Variants in TENM1 observed in about 807,000 individuals in gnomAD.
TENM1 encodes the protein teneurin transmembrane protein 1.
TENM1 carries 35 observed loss-of-function variants against 174.8 expected under a neutral mutation model. That is an observed-to-expected ratio of 0.20 (90% CI 0.15 to 0.27). TENM1 has a LOEUF of 0.27. Ranked by LOEUF, TENM1 falls within the 10% of genes least tolerant of loss-of-function variation. TENM1 has a pLI of 1.00. For missense variants in TENM1, 1,633 were observed against 2,130.1 expected, an observed-to-expected ratio of 0.77 and a Z score of 4.59; for synonymous variants, 781 against 798.7, an observed-to-expected ratio of 0.98 and a Z score of 0.37.
chrX:124,950,581 C>T (rs1275511390), intron 1 of TENM1, among the ~76,000 whole-genome samples: 1 of 111,862 alleles, frequency 8.9e-6, no homozygotes, highest in Admixed American at 9.5e-5. Flanking sequence ...TCTGGTGAGA[C>T]TTAAGTATAA....
At chrX:124,800,950 C>T (rs1291581127) in intron 3 of TENM1, among the ~76,000 whole-genome samples, 3 of 111,984 alleles carry the variant, frequency 2.7e-5, no homozygotes, top group Non-Finnish European at 3.8e-5. Context: ...TTTGATTGTG[C>T]TGTTGTCTGA....
At chrX:124,667,973 T>C (rs1032492123) in intron 6 of TENM1, among the ~76,000 whole-genome samples, 5 of 111,542 alleles carry the variant, frequency 4.5e-5, no homozygotes, top group Admixed American at 2.9e-4. Flanking sequence ...TGAGATGGTA[T>C]CTCACTGTGG....
chrX:125,103,831 C>T, the TENM1 span, among the ~76,000 whole-genome samples: 1 of 111,492 alleles, frequency 9.0e-6, no homozygotes, highest in African/African-American at 3.3e-5. Context: ...ACTAAAAATA[C>T]AAAGATTAGC....
chrX:124,984,487 C>A, the TENM1 span, among the ~76,000 whole-genome samples: 1 of 111,956 alleles, frequency 8.9e-6, no homozygotes, highest in Non-Finnish European at 1.9e-5. Context: ...CCATAGTAGA[C>A]CATTAAGGAA....
chrX:124,585,714 C>CA (rs1211823097), intron 11 of TENM1, among the ~76,000 whole-genome samples: 2 of 111,117 alleles, frequency 1.8e-5, no homozygotes, highest in African/African-American at 6.6e-5. Flanking sequence ...AATAGAGACA[C>CA]AAAAAACCCT....
the TENM1 span, among the ~76,000 whole-genome samples, chrX:125,156,461 A>G: frequency 1.8e-5 from 2 of 111,880 alleles, no homozygotes; most frequent in African/African-American, 6.5e-5. Flanking sequence ...CTCTGTGTCC[A>G]TGTGTATTCA....
At position 124,843,987 on chromosome X, in the gene TENM1, C is replaced by T. The variant is rs1471946314; in HGVS notation, c.535+50309G>A. Among the ~76,000 whole-genome samples the T allele has an allele frequency of 3.6e-5, 4 of 111,726 alleles. No individual in the cohort carries two copies. The Admixed American group carries it at 3.8e-4, about 11-fold the overall frequency. On this transcript the variant is annotated intron_variant, in intron 3 of 31. Coordinates refer to ENST00000422452, the Ensembl canonical transcript of TENM1. ...TTATCATTAACAGCCAGGGTGAAATCAAGAACTTCATCTACTTCTCGGCTT... is the reference window on the plus strand; with the variant it reads ...TTATCATTAACAGCCAGGGTGAAATTAAGAACTTCATCTACTTCTCGGCTT...
intron 3 of TENM1, among the ~76,000 whole-genome samples, chrX:124,747,152 T>TAAAC (rs2053939320): frequency 1.3e-5 from 1 of 76,971 alleles, no homozygotes; most frequent in Admixed American, 1.3e-4. Context: ...ACTATTTCAA[T>TAAAC]AAATAAATAA....
chrX:125,091,944 C>CATTGCACT, the TENM1 span, among the ~76,000 whole-genome samples: 1 of 91,943 alleles, frequency 1.1e-5, no homozygotes, highest in Non-Finnish European at 2.1e-5. Flanking sequence ...GAGATCACGC[C>CATTGCACT]ATTGCACTCC....
intron 18 of TENM1, among the ~76,000 whole-genome samples, chrX:124,516,654 T>G (rs756222030): frequency 9.0e-6 from 1 of 111,366 alleles, no homozygotes; most frequent in East Asian, 2.8e-4. Context: ...AGTCAAAAAA[T>G]AATAGATGCT....
the TENM1 span, among the ~76,000 whole-genome samples, chrX:125,063,537 G>A: frequency 8.9e-6 from 1 of 112,090 alleles, no homozygotes; most frequent in Non-Finnish European, 1.9e-5. Flanking sequence ...AGACATTTAT[G>A]CAGCCAAAAG....
intron 6 of TENM1, among the ~76,000 whole-genome samples, chrX:124,666,739 G>C (rs1480976303): frequency 1.8e-5 from 2 of 111,249 alleles, no homozygotes; most frequent in Admixed American, 1.9e-4. Context: ...GTTGAGATTA[G>C]AACTGTCTGT....
intron 7 of TENM1, 50 bp downstream of exon 10, chrX:124,653,534 A>G (rs761924359): frequency 7.5e-6 from 8 of 1,068,007 alleles, no homozygotes; most frequent in Non-Finnish European, 9.1e-6. Context: ...GAACTGTTCA[A>G]CCCATCACCC....
the TENM1 span, among the ~76,000 whole-genome samples, chrX:124,979,482 A>C: frequency 8.9e-6 from 1 of 112,036 alleles, no homozygotes; most frequent in African/African-American, 3.2e-5. Flanking sequence ...ATGTTTCATT[A>C]ATAATTTTAT....
intron 20 of TENM1, 110 bp from the exon 24 acceptor site, chrX:124,487,339 C>T (rs749317403): frequency 5.6e-6 from 4 of 709,320 alleles, no homozygotes; most frequent in African/African-American, 4.3e-5. Context: ...ACTCAGATTG[C>T]GGCATTTAGA....
chrX:125,150,017 C>A, the TENM1 span, among the ~76,000 whole-genome samples: 3 of 109,733 alleles, frequency 2.7e-5, no homozygotes, highest in Non-Finnish European at 5.7e-5. Flanking sequence ...GATTTCTCCA[C>A]GAGTTATTGA....
chrX:124,712,404 G>GA (rs2148506421), intron 4 of TENM1, among the ~76,000 whole-genome samples: 1 of 111,162 alleles, frequency 9.0e-6, no homozygotes, highest in South Asian at 3.8e-4. Context: ...ATGGGTGTGA[G>GA]GTGATATCTC....
chrX:125,175,210 A>G, the TENM1 span, among the ~76,000 whole-genome samples: 1 of 111,329 alleles, frequency 9.0e-6, no homozygotes, highest in African/African-American at 3.3e-5. Context: ...AGTTTTTGCT[A>G]AAGACCTACT....
At chrX:125,124,302 C>CTA in the TENM1 span, among the ~76,000 whole-genome samples, 2 of 112,014 alleles carry the variant, frequency 1.8e-5, no homozygotes, top group Admixed American at 9.6e-5. Flanking sequence ...TATTATTTAT[C>CTA]AGTTGTCACA....
Sources: allele counts gnomAD v4.1 joint callset (sites outside exome capture counted in the v4.1 genomes callset), GRCh38; gene constraint gnomAD v4.1.1; transcripts MANE v1.5; gene names NCBI Gene and HGNC (gene_info 2026-07-23, HGNC 2026-07-21).